SPEF2: variants seen among roughly 807,000 people sequenced by gnomAD.
The protein encoded by SPEF2 is sperm flagella and cilia-associated protein 2.
Under a neutral mutation model 224.6 loss-of-function variants are expected in SPEF2, and 187 were observed. The ratio of observed to expected loss-of-function variants is 0.83; its 90% CI spans 0.74 to 0.94. The LOEUF is 0.94. SPEF2 is among the 40% of genes least tolerant of loss of function. The probability of loss-of-function intolerance (pLI) is 0.00; values close to 1 mark genes in which losing one functional copy is unlikely to be tolerated. For missense variants in SPEF2, 2,170 were observed against 2,135.6 expected, an observed-to-expected ratio of 1.02 and a Z score of -0.32; for synonymous variants, 715 against 707.3, an observed-to-expected ratio of 1.01 and a Z score of -0.17.
chr5:35,660,742 A>G (rs751711344), intron 8 of SPEF2, among the ~76,000 whole-genome samples: 1 of 152,168 alleles, frequency 6.6e-6, no homozygotes, highest in Non-Finnish European at 1.5e-5. Flanking sequence ...CTAAGTGCCT[A>G]TTTGAAAAAT....
At chr5:35,708,632 T>TCACCACCACTACCACCAGCACCATCAC (rs1561236145) in intron 18 of SPEF2, among the ~76,000 whole-genome samples, 1 of 3,274 alleles carries the variant, frequency 3.1e-4, no homozygotes. Flanking sequence ...TCCACCACCA[T>TCACCACCACTACCACCAGCACCATCAC]CACCTCTACC....
chr5:35,794,473 C>A (rs562617427), intron 32 of SPEF2, among the ~76,000 whole-genome samples: 1 of 152,110 alleles, frequency 6.6e-6, no homozygotes, highest in Admixed American at 6.5e-5. Context: ...TGACAAGGCT[C>A]TTTCAGGGCT....
rs1318774073 is a variant in SPEF2, at chr5:35,713,991, T to C, written c.2914+1105T>C. On this transcript the variant is annotated intron_variant, in intron 20 of 36. Coordinates refer to ENST00000356031, the MANE Select transcript of SPEF2 (RefSeq NM_024867.4). ...TATATATGTTATATATAGTATTATA[T>C]ATTTTATATATAGTATATATGTTAT... 6.3e-3 allele frequency among the ~76,000 whole-genome samples: 496 copies of C among 78,224 alleles called. 75 individuals are homozygous for C. The highest frequency in any genetic ancestry group is 0.028 in the African/African-American group (481 of 17,442). 51.3% of individuals were successfully genotyped at this position (78,224 alleles called of 152,430 possible).
intron 1 of SPEF2, among the ~76,000 whole-genome samples, chr5:35,624,994 G>C (rs897273512): frequency 2.6e-5 from 4 of 151,804 alleles, no homozygotes; most frequent in Non-Finnish European, 4.4e-5. Flanking sequence ...TTTTTCTTCA[G>C]CTTTTTCTTT....
intron 30 of SPEF2, chr5:35,781,174 G>A (rs1226027561): frequency 6.7e-6 from 1 of 149,338 alleles, no homozygotes; most frequent in Non-Finnish European, 1.5e-5. Flanking sequence ...TTTTTTAAAA[G>A]CAGAGTAAAA....
intron 23 of SPEF2, among the ~76,000 whole-genome samples, chr5:35,751,522 T>C (rs990501633): frequency 2.0e-5 from 3 of 151,896 alleles, no homozygotes; most frequent in Non-Finnish European, 4.4e-5. Context: ...TAAGCACAAG[T>C]TAGTACTTAT....
chr5:35,685,699 T>C (rs959991197), intron 10 of SPEF2, among the ~76,000 whole-genome samples: 2 of 152,014 alleles, frequency 1.3e-5, no homozygotes, highest in Admixed American at 6.6e-5. Context: ...TGTAGTAATA[T>C]TTATAAATCA....
At chr5:35,752,159 C>G (rs969000452) in intron 23 of SPEF2, among the ~76,000 whole-genome samples, 1 of 151,954 alleles carries the variant, frequency 6.6e-6, no homozygotes, top group Non-Finnish European at 1.5e-5. Flanking sequence ...ACTTGCCCAC[C>G]GCTCACCTCC....
intron 20 of SPEF2, among the ~76,000 whole-genome samples, chr5:35,725,523 G>A (rs1465153178): frequency 6.6e-6 from 1 of 152,082 alleles, no homozygotes; most frequent in African/African-American, 2.4e-5. Flanking sequence ...CCTCCCTGAG[G>A]AAGGCCAATT....
chr5:35,726,069 A>G (rs908333060), intron 20 of SPEF2, among the ~76,000 whole-genome samples: 1 of 152,222 alleles, frequency 6.6e-6, no homozygotes, highest in African/African-American at 2.4e-5. Flanking sequence ...TAAGATGTTG[A>G]TAAAGATTTT....
chr5:35,798,208 CTCAAAACT>C (rs1345383245), intron 33 of SPEF2, among the ~76,000 whole-genome samples: 2 of 152,142 alleles, frequency 1.3e-5, no homozygotes, highest in South Asian at 4.1e-4. Flanking sequence ...GCATCCCCCG[CTCAAAACT>C]TCCGTGGCTC....
intron 26 of SPEF2, among the ~76,000 whole-genome samples, chr5:35,768,975 A>C: frequency 6.6e-6 from 1 of 152,266 alleles, no homozygotes. Context: ...GTATGCAGTG[A>C]TTTCAAAGAA....
At chr5:35,748,767 C>T (rs1748953410) in intron 23 of SPEF2, among the ~76,000 whole-genome samples, 3 of 152,064 alleles carry the variant, frequency 2.0e-5, no homozygotes, top group Admixed American at 1.3e-4. Flanking sequence ...GATACCAATC[C>T]TTTTGATACT....
Position 35,800,071 on chromosome 5 carries a change from T to A in SPEF2, c.4934T>A (p.Val1645Asp). The A allele has an allele frequency of 1.2e-6, 2 of 1,613,750 alleles. No individual in the cohort carries two copies. Among genetic ancestry groups the A allele is most frequent in the Admixed American group, 1.7e-5 (1 of 59,974 alleles). The change falls in exon 34 of 37, where the codon GTC becomes GAC. Residue 1645 changes from valine (V) to aspartate (D), a missense_variant. Val to Asp is a radical substitution (Grantham distance 152). Coordinates refer to ENST00000356031, the MANE Select transcript of SPEF2 (RefSeq NM_024867.4). ...TGCCACCCAGACACCGTGGAAGGAG[T>A]CTACAGGGCCCTCAGTGTGGCTGTT... ...FACHPDTVEG[V>D]YRALSVAVGT...
At chr5:35,655,122 T>G (rs1164803154) in intron 7 of SPEF2, among the ~76,000 whole-genome samples, 3 of 152,208 alleles carry the variant, frequency 2.0e-5, no homozygotes, top group Non-Finnish European at 2.9e-5. Flanking sequence ...GTTCATCCTC[T>G]CCTTTTGTTC....
intron 20 of SPEF2, among the ~76,000 whole-genome samples, chr5:35,714,679 T>TA (rs1398666102): frequency 7.7e-4 from 98 of 127,808 alleles, no homozygotes; most frequent in Middle Eastern, 3.8e-3. Context: ...TTTGGGTTTA[T>TA]TTTTATTTAT....
chr5:35,635,076 T>C (rs906279020), intron 2 of SPEF2, among the ~76,000 whole-genome samples: 2 of 151,856 alleles, frequency 1.3e-5, no homozygotes, highest in African/African-American at 4.8e-5. Flanking sequence ...TTTCTCATGA[T>C]TAGAGTGGAT....
At chr5:35,675,154 G>T (rs1277382226) in intron 10 of SPEF2, among the ~76,000 whole-genome samples, 1 of 152,160 alleles carries the variant, frequency 6.6e-6, no homozygotes, top group Non-Finnish European at 1.5e-5. Context: ...TTGCTTATAT[G>T]ATGAAGGCTG....
intron 34 of SPEF2, 21 bp downstream of exon 34, chr5:35,800,168 G>A (rs767337914): frequency 1.2e-6 from 2 of 1,613,354 alleles, no homozygotes; most frequent in African/African-American, 1.3e-5. Context: ...TCCAGAAATA[G>A]ACTAACTATA....
Sources: allele counts gnomAD v4.1 joint callset (sites outside exome capture counted in the v4.1 genomes callset), GRCh38; gene constraint gnomAD v4.1.1; transcripts MANE v1.5; gene names NCBI Gene and HGNC (gene_info 2026-07-23, HGNC 2026-07-21).